Variants in RFLNA observed in about 807,000 individuals in gnomAD.
The protein encoded by RFLNA is refilin A, also known as refilin-A.
A neutral mutation model predicts 7.8 loss-of-function variants in RFLNA; 5 were observed. The observed-to-expected ratio is 0.64, with a 90% confidence interval of 0.34 to 1.35. The LOEUF (loss-of-function observed/expected upper bound fraction) is 1.35, where lower values mean the gene tolerates loss of function less well. Ranked by LOEUF, RFLNA falls within the 40% of genes most tolerant of loss-of-function variation. The pLI is 0.04. For missense variants in RFLNA, 278 were observed against 305.5 expected (o/e 0.91, Z 0.67); for synonymous variants, 141 against 131.3 (o/e 1.07, Z -0.50).
intron 1 of RFLNA, among the ~76,000 whole-genome samples, chr12:124,303,427 C>T (rs959074876): frequency 6.6e-6 from 1 of 152,240 alleles, no homozygotes; most frequent in East Asian, 1.9e-4. Flanking sequence ...GTCCTGCCCC[C>T]CACACTGTCC....
upstream of RFLNA, among the ~76,000 whole-genome samples, chr12:124,291,066 G>T (rs1329958081): frequency 6.6e-6 from 1 of 152,080 alleles, no homozygotes; most frequent in Non-Finnish European, 1.5e-5. Context: ...CAGGCATGAC[G>T]ACCTCAGTCC....
At chr12:124,292,142 C>G (rs1430962251), upstream of RFLNA, among the ~76,000 whole-genome samples, 1 of 152,190 alleles carries the variant, frequency 6.6e-6, no homozygotes, top group Non-Finnish European at 1.5e-5. Flanking sequence ...ATGTGAGGAA[C>G]TTTGGAAGCG....
At chr12:124,296,669 C>T (rs776724976) in intron 1 of RFLNA, among the ~76,000 whole-genome samples, 52 of 152,338 alleles carry the variant, frequency 3.4e-4, no homozygotes, top group Middle Eastern at 6.8e-3. Context: ...TCCCCGGCCT[C>T]AAGCCTCAGG....
chr12:124,310,434 G>A (rs1409779769), intron 1 of RFLNA, among the ~76,000 whole-genome samples: 4 of 151,894 alleles, frequency 2.6e-5, no homozygotes, highest in African/African-American at 4.8e-5. Flanking sequence ...AGGCTGCAGG[G>A]GCCAGAGGTC....
chr12:124,295,662 C>T lies in RFLNA; in HGVS notation c.207+26C>T, dbSNP rs1164886371. 6.5e-6 allele frequency: 8 copies of T among 1,232,466 alleles called. No individual in the cohort carries two copies. In the East Asian group the frequency reaches 2.2e-4, roughly 34 times the overall value. 76.3% of individuals were successfully genotyped at this position (1,232,466 alleles called of 1,614,324 possible). ...GTAAGGAGGCGCTCTCTCTCCCAAA[C>T]GGGGGACCGCGTGGGCGGGTGGGTG... On this transcript the variant is annotated intron_variant, in intron 1 of 2. Transcript: ENST00000546355.
chr12:124,315,581 G>A lies in RFLNA; in HGVS notation c.*1056G>A, dbSNP rs1239302813. 1 of 152,260 alleles carries A rather than the reference G, an allele frequency of 6.6e-6. No individual in the cohort carries two copies. Among genetic ancestry groups the A allele is most frequent in the Non-Finnish European group, 1.5e-5 (1 of 68,056 alleles). The allele number at this position is 152,260 out of a possible 1,614,324, so 9.4% of individuals were successfully genotyped here. On this transcript the variant is annotated 3_prime_UTR_variant, in exon 3 of 3. Coordinates refer to ENST00000546355, the MANE Select transcript of RFLNA (RefSeq NM_001365156.1). ...CCCCTGCCTGTGGGATGTTGTGAGAGGAACATGAGCCAGACAAAGACTTGG... is the reference window on the plus strand; with the variant it reads ...CCCCTGCCTGTGGGATGTTGTGAGAAGAACATGAGCCAGACAAAGACTTGG...
chr12:124,292,556 G>A (rs978713360), upstream of RFLNA, among the ~76,000 whole-genome samples: 3 of 152,224 alleles, frequency 2.0e-5, no homozygotes, highest in South Asian at 2.1e-4. Context: ...CCACAGCAGC[G>A]GATCTGAATA....
At chr12:124,296,122 T>C (rs7296985) in intron 1 of RFLNA, among the ~76,000 whole-genome samples, 6 of 3,754 alleles carry the variant, frequency 1.6e-3, no homozygotes, top group Non-Finnish European at 0.083. Flanking sequence ...CTTTCTTTCT[T>C]TCTCTCTCTC....
At chr12:124,300,761 TGGA>T (rs2034017821) in intron 1 of RFLNA, among the ~76,000 whole-genome samples, 1 of 112,902 alleles carries the variant, frequency 8.9e-6, no homozygotes, top group Non-Finnish European at 1.9e-5. Context: ...GATGGATGGA[TGGA>T]TGGATGGATT....
At chr12:124,292,896 G>A (rs2033845227), upstream of RFLNA, among the ~76,000 whole-genome samples, 1 of 152,186 alleles carries the variant, frequency 6.6e-6, no homozygotes, top group South Asian at 2.1e-4. Flanking sequence ...CAAAATGGAT[G>A]CAAACAGTTC....
chr12:124,307,119 C>T (rs147612781), intron 1 of RFLNA, among the ~76,000 whole-genome samples: 3 of 152,326 alleles, frequency 2.0e-5, no homozygotes, highest in Non-Finnish European at 2.9e-5. Context: ...TCCCCATCCG[C>T]GGGGGCATCG....
At chr12:124,301,751 C>A (rs911159142) in intron 1 of RFLNA, among the ~76,000 whole-genome samples, 1 of 152,116 alleles carries the variant, frequency 6.6e-6, no homozygotes, top group Admixed American at 6.5e-5. Flanking sequence ...GAGACCCTGC[C>A]CCAAGCCCCG....
chr12:124,310,191 A>AAAAAAAAAAAAAAAAAAAC (rs2034215684), intron 1 of RFLNA, among the ~76,000 whole-genome samples: 1 of 146,500 alleles, frequency 6.8e-6, no homozygotes, highest in Non-Finnish European at 1.5e-5. Flanking sequence ...AAAAAAAAAA[A>AAAAAAAAAAAAAAAAAAAC]AAAAAGCCTT....
Position 124,314,489 on chromosome 12 carries a change from C to T in RFLNA, c.615C>T (p.Asp205=). The T allele has an allele frequency of 6.3e-7, 1 of 1,595,600 alleles. No homozygotes were observed. Among genetic ancestry groups the T allele is most frequent in the Non-Finnish European group, 8.5e-7 (1 of 1,178,010 alleles). ...TASVQLQLCQ[D]PAPSLLGPAT... ...GCGTGCAGCTGCAGCTTTGCCAGGACCCTGCCCCCAGCCTCCTGGGCCCTG... is the reference window on the plus strand; with the variant it reads ...GCGTGCAGCTGCAGCTTTGCCAGGATCCTGCCCCCAGCCTCCTGGGCCCTG... The change falls in exon 3 of 3, where the codon GAC becomes GAT. Residue 205 remains aspartate, a synonymous_variant. Coordinates refer to ENST00000546355, the MANE Select transcript of RFLNA (RefSeq NM_001365156.1).
chr12:124,311,993 C>T, intron 2 of RFLNA, 66 bp downstream of exon 2: 1 of 1,436,338 alleles, frequency 7.0e-7, no homozygotes, highest in Non-Finnish European at 9.2e-7. Flanking sequence ...TCCTGACTCT[C>T]TTGTGGGATG....
In RFLNA at chr12:124,314,443, C is replaced by G; in HGVS notation, c.569C>G (p.Pro190Arg). 6.2e-7 allele frequency: 1 copy of G among 1,602,464 alleles called. No individual in the cohort carries two copies. The highest frequency in any genetic ancestry group is 2.2e-5 in the East Asian group (1 of 44,862). Residue 190 changes from proline to arginine, a missense_variant, in exon 3 of 3, where the codon CCC becomes CGC. Coordinates refer to ENST00000546355, the MANE Select transcript of RFLNA (RefSeq NM_001365156.1). ...RTTLHCSLGR[P>R]SRWFTASVQL... ...ACCCTGCACTGCAGCCTGGGCCGGC[C>G]CAGCCGCTGGTTCACCGCCAGCGTG...
chr12:124,297,346 C>T (rs2033946960), intron 1 of RFLNA, among the ~76,000 whole-genome samples: 1 of 152,078 alleles, frequency 6.6e-6, no homozygotes, highest in African/African-American at 2.4e-5. Flanking sequence ...ACTGTGTTGC[C>T]CTGATCTTCT....
intron 1 of RFLNA, 103 bp from the exon 2 acceptor site, chr12:124,311,715 A>G: frequency 8.7e-7 from 1 of 1,149,364 alleles, no homozygotes; most frequent in Non-Finnish European, 1.2e-6. Flanking sequence ...TTCCAGACCA[A>G]GCCAGGGCCA....
At chr12:124,310,106 G>A (rs974059713) in intron 1 of RFLNA, among the ~76,000 whole-genome samples, 3 of 140,566 alleles carry the variant, frequency 2.1e-5, no homozygotes, top group Non-Finnish European at 3.0e-5. Context: ...CCAGAAGTTC[G>A]AGGCTGCAGT....
Sources: allele counts gnomAD v4.1 joint callset (sites outside exome capture counted in the v4.1 genomes callset), GRCh38; gene constraint gnomAD v4.1.1; transcripts MANE v1.5; gene names NCBI Gene and HGNC (gene_info 2026-07-23, HGNC 2026-07-21).